AGAP1: variants seen among roughly 807,000 people sequenced by gnomAD.
AGAP1 encodes the protein ArfGAP with GTPase domain, ankyrin repeat and PH domain 1.
In AGAP1, 29 loss-of-function variants were observed where a neutral mutation model predicts 105.3. The observed-to-expected ratio is 0.28, with a 90% confidence interval of 0.21 to 0.38. The LOEUF is 0.38. AGAP1 is among the 10% of genes least tolerant of loss of function. AGAP1 has a pLI of 1.00. For synonymous variants in AGAP1, 509 were observed against 485.9 expected, an observed-to-expected ratio of 1.05 and a Z score of -0.63; for missense variants, 998 against 1,165.1, an observed-to-expected ratio of 0.86 and a Z score of 2.09.
chr2:235,776,837 C>G (rs1280270954), intron 6 of AGAP1: 1 of 464,824 alleles, frequency 2.2e-6, no homozygotes, highest in African/African-American at 2.0e-5. Flanking sequence ...TCGGCACCAA[C>G]TCGGAGCCCC....
In AGAP1 at chr2:235,588,891, G is replaced by A. The variant is rs143479280; in HGVS notation, c.163+94042G>A. ...GAATCTTCCGGCTGGGAAAGGTCCC[G>A]AGTGGCCTGCTTTCCTGGCTTATTT... On this transcript the variant is annotated intron_variant, in intron 1 of 17. Transcript: ENST00000304032. 1.8e-3 allele frequency among the ~76,000 whole-genome samples: 273 copies of A among 152,238 alleles called. 1 individual carries two copies. Among genetic ancestry groups the A allele is most frequent in the African/African-American group, 6.3e-3 (262 of 41,540 alleles).
intron 1 of AGAP1, among the ~76,000 whole-genome samples, chr2:235,630,829 G>A (rs527811875): frequency 6.6e-6 from 1 of 152,256 alleles, no homozygotes; most frequent in Admixed American, 6.5e-5. Context: ...CGCTGCCTCC[G>A]TTTGTCATTT....
chr2:235,528,839 G>A (rs532628148), intron 1 of AGAP1, among the ~76,000 whole-genome samples: 12 of 150,760 alleles, frequency 8.0e-5, no homozygotes, highest in East Asian at 4.0e-4. Flanking sequence ...CACCATGCCC[G>A]GCTAATCTTG....
Position 235,988,364 on chromosome 2 carries a change from C to T in AGAP1, c.1645+19741C>T, listed in dbSNP as rs965150973. 2.6e-5 allele frequency among the ~76,000 whole-genome samples: 4 copies of T among 152,058 alleles called. No individual in the cohort carries two copies. Among genetic ancestry groups the T allele is most frequent in the Admixed American group, 1.3e-4 (2 of 15,262 alleles). On this transcript the variant is annotated intron_variant, in intron 13 of 17. Coordinates refer to ENST00000304032, the MANE Select transcript of AGAP1 (RefSeq NM_001037131.3). This position sits in a 1 kb window ranked among gnomAD's most constrained non-coding sequence, Gnocchi z 4.7. The stretch of plus-strand genomic sequence containing the variant: ...GGCCTAAAACTCCTTTTGATTGGTG[C>T]GTGGGTGACAATGGATTCCCTGTCC...
intron 16 of AGAP1, among the ~76,000 whole-genome samples, chr2:236,071,178 A>G (rs990110999): frequency 3.9e-5 from 6 of 152,252 alleles, no homozygotes; most frequent in African/African-American, 1.4e-4. Flanking sequence ...CAGTGGCCTT[A>G]GCCCCGAATA....
rs539342929 is a variant in AGAP1 at position 235,651,692 on chromosome 2, T to C, written c.164-57487T>C. On this transcript the variant is annotated intron_variant, in intron 1 of 17. Transcript: ENST00000304032. ...AACGTTGAGCCCCCCGAAATAATGA[T>C]GGTGGGAAGGGAAACCTTTTTATAA... Among the ~76,000 whole-genome samples the C allele has an allele frequency of 3.4e-4, 52 of 152,224 alleles. 1 individual carries two copies. The highest frequency in any genetic ancestry group is 1.2e-3 in the African/African-American group (50 of 41,528).
At position 235,758,427 on chromosome 2, in the gene AGAP1, C is replaced by T. The variant is rs545202181; in HGVS notation, c.673+7939C>T. On this transcript the variant is annotated intron_variant, in intron 6 of 17. Coordinates refer to ENST00000304032, the MANE Select transcript of AGAP1 (RefSeq NM_001037131.3). The stretch of plus-strand genomic sequence containing the variant: ...GCTGCCTTCCCAGAGGTACATGGTG[C>T]AGCTGGTGTCAGGCGAGGCCATCAT... Among the ~76,000 whole-genome samples, 10 of 152,244 alleles carry T rather than the reference C, an allele frequency of 6.6e-5. No individual in the cohort carries two copies. In the East Asian group the frequency reaches 1.7e-3, roughly 27 times the overall value.
chr2:235,724,421 G>A lies in AGAP1; in HGVS notation c.310+6777G>A, dbSNP rs1951548882. Among the ~76,000 whole-genome samples, 1 of 152,212 alleles carries A rather than the reference G, an allele frequency of 6.6e-6. No individual in the cohort carries two copies. Among genetic ancestry groups the A allele is most frequent in the Admixed American group, 6.5e-5 (1 of 15,280 alleles). On this transcript the variant is annotated intron_variant, in intron 3 of 17. Transcript: ENST00000304032. The surrounding 1 kb of genome is among the most constrained non-coding windows in gnomAD (Gnocchi z 4.9). ...CCAGAGACGGAACACACTGGTCACT[G>A]GGAGATTAGCCTCCCTCATTCATTT...
In AGAP1 at chr2:235,740,882, T is replaced by C. The variant is rs569024904; in HGVS notation, c.311-81T>C. The stretch of plus-strand genomic sequence containing the variant: ...AGGGCGACAGCCTAGGGTGTATTTT[T>C]CCACAAGCGAAGCCCACGTCTGTCT... On this transcript the variant is annotated intron_variant, in intron 3 of 17. Transcript: ENST00000304032. The surrounding 1 kb of genome is among the most constrained non-coding windows in gnomAD (Gnocchi z 5.7). 9 of 1,570,160 alleles carry C rather than the reference T, an allele frequency of 5.7e-6. No homozygotes were observed. The Admixed American group carries it at 1.5e-4, about 26-fold the overall frequency.
intron 16 of AGAP1, among the ~76,000 whole-genome samples, chr2:236,093,816 A>C (rs2059123998): frequency 6.6e-6 from 1 of 152,224 alleles, no homozygotes; most frequent in Admixed American, 6.5e-5. Flanking sequence ...ATCCCAAAAA[A>C]TCAAAATCCC....
intron 12 of AGAP1, among the ~76,000 whole-genome samples, chr2:235,946,199 G>A (rs926666345): frequency 6.6e-6 from 1 of 151,850 alleles, no homozygotes; most frequent in African/African-American, 2.4e-5. Flanking sequence ...TGTTAATTTT[G>A]GGGGTGTATA....
intron 13 of AGAP1, among the ~76,000 whole-genome samples, chr2:236,018,938 C>A (rs1295409771): frequency 6.6e-6 from 1 of 152,214 alleles, no homozygotes; most frequent in Non-Finnish European, 1.5e-5. Context: ...AAACAGCAAA[C>A]CTCCTCTTGG....
rs942889953 is a variant in AGAP1, at chr2:235,992,289, G to A, written c.1645+23666G>A. On this transcript the variant is annotated intron_variant, in intron 13 of 17. Transcript: ENST00000304032. The surrounding 1 kb of genome is among the most constrained non-coding windows in gnomAD (Gnocchi z 4.8). ...TGAGTTGCAGCTCCACCTCTTCCTG[G>A]CGGGTGGCCTGGGCGAGTGCCTCAC... Among the ~76,000 whole-genome samples, 7 of 152,222 alleles carry A rather than the reference G, an allele frequency of 4.6e-5. No individual in the cohort carries two copies. The highest frequency in any genetic ancestry group is 1.5e-5 in the Non-Finnish European group (1 of 68,042).
intron 1 of AGAP1, among the ~76,000 whole-genome samples, chr2:235,681,734 T>C (rs1299527586): frequency 6.6e-6 from 1 of 152,184 alleles, no homozygotes. Flanking sequence ...ATTGACTTTT[T>C]AAGGTTGATT....
rs1001556115 is a variant in AGAP1, at chr2:235,725,166, C to T, written c.310+7522C>T. On this transcript the variant is annotated intron_variant, in intron 3 of 17. Transcript: ENST00000304032. This position sits in a 1 kb window ranked among gnomAD's most constrained non-coding sequence, Gnocchi z 5.7. ...GCTTCTGGCCTCCAGGGCCAGCTGG[C>T]TGTACAGCCACCTGCAAGTCTTTGT... Among the ~76,000 whole-genome samples, 3 of 152,200 alleles carry T rather than the reference C, an allele frequency of 2.0e-5. No individual in the cohort carries two copies. The highest frequency in any genetic ancestry group is 1.5e-5 in the Non-Finnish European group (1 of 68,036).
rs1486146935 is a variant in AGAP1 at position 235,739,700 on chromosome 2, G to GC, written c.311-1259dup. The stretch of plus-strand genomic sequence containing the variant: ...CAGGAGCTCGCGGGAACGGGCCAAC[G>GC]CCCCACTGCCCCAGTCAGCCCTCTG... On this transcript the variant is annotated intron_variant, in intron 3 of 17. Transcript: ENST00000304032. This position sits in a 1 kb window ranked among gnomAD's most constrained non-coding sequence, Gnocchi z 5.3. Among the ~76,000 whole-genome samples the GC allele has an allele frequency of 1.1e-4, 17 of 152,364 alleles. No homozygotes were observed. Among genetic ancestry groups the GC allele is most frequent in the African/African-American group, 3.4e-4 (14 of 41,594 alleles).
chr2:235,887,150 G>A lies in AGAP1; in HGVS notation c.1155+3701G>A, dbSNP rs987680694. Among the ~76,000 whole-genome samples, 2 of 152,082 alleles carry A rather than the reference G, an allele frequency of 1.3e-5. No homozygotes were observed. Among genetic ancestry groups the A allele is most frequent in the Non-Finnish European group, 2.9e-5 (2 of 68,036 alleles). ...GAACCAGATGATCTCAGTTAAACAC[G>A]GACCATGCTGTGACACCCACATCCT... On this transcript the variant is annotated intron_variant, in intron 10 of 17. Transcript: ENST00000304032. The surrounding 1 kb of genome is among the most constrained non-coding windows in gnomAD (Gnocchi z 4.1).
At chr2:236,039,928 T>C (rs2057496164) in intron 14 of AGAP1, among the ~76,000 whole-genome samples, 1 of 152,098 alleles carries the variant, frequency 6.6e-6, no homozygotes, top group Non-Finnish European at 1.5e-5. Flanking sequence ...TCAATGAGCA[T>C]GTATGTTTTT....
At chr2:235,661,746 G>A (rs887011352) in intron 1 of AGAP1, among the ~76,000 whole-genome samples, 4 of 152,284 alleles carry the variant, frequency 2.6e-5, no homozygotes, top group South Asian at 4.2e-4. Flanking sequence ...ACTGGAGTTC[G>A]TACAGATCCG....
Sources: gnomAD v4.1 joint callset for allele counts (sites outside exome capture counted in the v4.1 genomes callset) on GRCh38, gnomAD v4.1.1 for gene constraint, Gnocchi (gnomAD v3.1) non-coding constraint, MANE v1.5 for transcripts, NCBI Gene and HGNC (gene_info 2026-07-23, HGNC 2026-07-21) for gene names.